ANAPC1: variants seen among roughly 807,000 people sequenced by gnomAD.
The protein encoded by ANAPC1 is anaphase-promoting complex subunit 1.
Under a neutral mutation model 208.0 loss-of-function variants are expected in ANAPC1, and 36 were observed. That is an observed-to-expected ratio of 0.17 (90% CI 0.13 to 0.23). ANAPC1 has a LOEUF of 0.23. Ranked by LOEUF, ANAPC1 falls within the 10% of genes least tolerant of loss-of-function variation. The pLI, the probability that ANAPC1 is intolerant of heterozygous loss-of-function variation, is 1.00. For missense variants in ANAPC1, 942 were observed against 2,011.6 expected (o/e 0.47, Z 10.17); for synonymous variants, 378 against 695.2 (o/e 0.54, Z 7.18).
chr2:111,835,963 T>C (rs997253711), intron 18 of ANAPC1, among the ~76,000 whole-genome samples: 3 of 152,116 alleles, frequency 2.0e-5, no homozygotes, highest in Admixed American at 2.0e-4. Context: ...AACTCATGTC[T>C]AGAACATGTA....
chr2:111,810,304 G>C (rs1209801191), intron 28 of ANAPC1, among the ~76,000 whole-genome samples: 3 of 144,410 alleles, frequency 2.1e-5, no homozygotes, highest in Admixed American at 1.4e-4. Flanking sequence ...AGTGAAGGTG[G>C]GGGGGGGTGA....
At chr2:111,850,512 C>T (rs1681333295) in intron 14 of ANAPC1, among the ~76,000 whole-genome samples, 3 of 151,256 alleles carry the variant, frequency 2.0e-5, no homozygotes, top group South Asian at 4.2e-4. Context: ...ATTCTAATTT[C>T]TTATGCAGAC....
rs1558670275 is a variant in ANAPC1, at chr2:111,794,071, GACTT to G, written c.4518+3_4518+6del. 1 of 1,374,670 alleles carries G rather than the reference GACTT, an allele frequency of 7.3e-7. No individual in the cohort carries two copies. Among genetic ancestry groups the G allele is most frequent in the Non-Finnish European group, 9.8e-7 (1 of 1,020,106 alleles). 85.2% of individuals were successfully genotyped at this position (1,374,670 alleles called of 1,614,324 possible). A position where few individuals can be genotyped will look rare whatever the true frequency, so the allele number is the denominator to read the frequency against. On this transcript the variant is annotated splice_donor_5th_base_variant and intron_variant, in intron 37 of 47. Transcript: ENST00000341068. ...TTATTCCCAAGGAGAATGATAAAAAGACTTACAACAGAAGCATTAGGTGCGGACA... is the reference window on the plus strand; with the variant it reads ...TTATTCCCAAGGAGAATGATAAAAAGACAACAGAAGCATTAGGTGCGGACA...
chr2:111,844,784 A>G (rs1225949442), intron 16 of ANAPC1, among the ~76,000 whole-genome samples: 7 of 152,208 alleles, frequency 4.6e-5, no homozygotes, highest in Admixed American at 2.6e-4. Context: ...TTCAGTTTCT[A>G]AAATGTTTCA....
At position 111,872,690 on chromosome 2, in the gene ANAPC1, T is replaced by C. The variant is rs1468225350; in HGVS notation, c.551A>G (p.Lys184Arg). ...GCTTCGTTCAAACAGCAATCCATAT[T>C]TAGTGGGCCAAACATTTGCAACCTT... ...PFQVANVWPT[K>R]YGLLFERSAS... Residue 184 changes from lysine to arginine, a missense_variant, in exon 6 of 48, where the codon AAA (lysine) becomes AGA (arginine). By Grantham distance (26) the Lys-to-Arg change is conservative (BLOSUM62 2). Coordinates refer to ENST00000341068, the MANE Select transcript of ANAPC1 (RefSeq NM_022662.4). 28 of 1,613,474 alleles carry C rather than the reference T, an allele frequency of 1.7e-5. No homozygotes were observed. The highest frequency in any genetic ancestry group is 5.9e-6 in the Non-Finnish European group (7 of 1,179,636).
intron 10 of ANAPC1, among the ~76,000 whole-genome samples, chr2:111,859,343 A>G (rs1681925462): frequency 6.6e-6 from 1 of 151,810 alleles, no homozygotes; most frequent in Admixed American, 6.6e-5. Context: ...TTAGCCAGTA[A>G]TCCTGTAATC....
chr2:111,850,557 G>C (rs999319685), intron 14 of ANAPC1, among the ~76,000 whole-genome samples: 2 of 150,568 alleles, frequency 1.3e-5, no homozygotes, highest in African/African-American at 4.9e-5. Flanking sequence ...GAGATCCCTA[G>C]ATGGAAAAGA....
intron 21 of ANAPC1, among the ~76,000 whole-genome samples, chr2:111,826,462 CT>C: frequency 6.6e-6 from 1 of 152,140 alleles, no homozygotes; most frequent in South Asian, 2.1e-4. Flanking sequence ...GATATGTAGT[CT>C]TTTTTGTGCT....
chr2:111,842,658 A>T (rs1680831136), intron 17 of ANAPC1, among the ~76,000 whole-genome samples: 1 of 151,958 alleles, frequency 6.6e-6, no homozygotes, highest in African/African-American at 2.4e-5. Context: ...AAAAAAAAAA[A>T]AAATGGATTT....
chr2:111,780,963 G>C lies in ANAPC1; in HGVS notation c.5203-578C>G, dbSNP rs1462882416. On this transcript the variant is annotated intron_variant, in intron 43 of 47. Transcript: ENST00000341068. ...TTATTGTTGCAGGTATAGATCTCAG[G>C]TCTGCAAGATGAAACAGTTCTAGAG... is the stretch of plus-strand genomic sequence containing the variant. 9.7e-5 allele frequency among the ~76,000 whole-genome samples: 14 copies of C among 144,768 alleles called. 1 individual carries two copies. The highest frequency in any genetic ancestry group is 1.9e-4 in the Non-Finnish European group (13 of 67,284). The allele number at this position is 144,768 out of a possible 152,430, so 95.0% of individuals were successfully genotyped here.
rs1679902934 is a variant in ANAPC1 at position 111,827,566 on chromosome 2, G to A, written c.2626-1711C>T. On this transcript the variant is annotated intron_variant, in intron 21 of 47. Transcript: ENST00000341068. Reference sequence around the variant, plus strand: ...GGTCAGGAGTTCAAGACCAGCCTGGGCAACATGGCAAAACCCCATCTCTAC... The same window carrying A: ...GGTCAGGAGTTCAAGACCAGCCTGGACAACATGGCAAAACCCCATCTCTAC... Among the ~76,000 whole-genome samples the A allele has an allele frequency of 2.0e-5, 3 of 151,916 alleles. 1 individual carries two copies. The South Asian group carries it at 6.2e-4, about 32-fold the overall frequency.
At chr2:111,844,207 C>G (rs762544659) in intron 16 of ANAPC1, among the ~76,000 whole-genome samples, 17 of 152,222 alleles carry the variant, frequency 1.1e-4, no homozygotes, top group Middle Eastern at 3.4e-3. Context: ...TGATTTACAT[C>G]CATTGCCCAG....
intron 17 of ANAPC1, among the ~76,000 whole-genome samples, chr2:111,842,903 A>G (rs1161666427): frequency 1.3e-5 from 2 of 152,186 alleles, no homozygotes; most frequent in African/African-American, 4.8e-5. Context: ...GTAAGGCTTT[A>G]TACCATTAAC....
chr2:111,832,956 A>AAAAAAAAAAAAAAAAAAAAAAAT (rs397748618), intron 20 of ANAPC1, among the ~76,000 whole-genome samples: 1 of 150,272 alleles, frequency 6.7e-6, no homozygotes, highest in Non-Finnish European at 1.5e-5. Flanking sequence ...AAAAAAAAAA[A>AAAAAAAAAAAAAAAAAAAAAAAT]GCATCCTTGA....
At chr2:111,868,685 C>T (rs6541932) in intron 6 of ANAPC1, among the ~76,000 whole-genome samples, 7,444 of 152,184 alleles carry the variant, frequency 0.049, 225 homozygotes, top group Non-Finnish European at 0.064. Flanking sequence ...CACACGCCAC[C>T]ACGCCCAGCT....
intron 21 of ANAPC1, among the ~76,000 whole-genome samples, chr2:111,828,153 A>T (rs1169508509): frequency 2.0e-5 from 3 of 152,244 alleles, no homozygotes; most frequent in Non-Finnish European, 4.4e-5. Flanking sequence ...GAAGATACGT[A>T]AATGGCCAAT....
chr2:111,797,000 C>T (rs141660957), intron 34 of ANAPC1, among the ~76,000 whole-genome samples: 28,163 of 150,626 alleles, frequency 0.19, 2,884 homozygotes, highest in Middle Eastern at 0.29. Context: ...AAACAAAAAA[C>T]GACCACTGTT....
At chr2:111,835,568 G>T (rs1182934928) in intron 18 of ANAPC1, among the ~76,000 whole-genome samples, 1 of 152,214 alleles carries the variant, frequency 6.6e-6, no homozygotes, top group African/African-American at 2.4e-5. Context: ...GCCGGGTGCA[G>T]TGGCTCATGC....
chr2:111,847,772 T>C lies in ANAPC1; in HGVS notation c.1744A>G (p.Thr582Ala), dbSNP rs768146615. ...NEDCTFQQLG[T>A]YIHSIRDPVH... ...GGATCTCTGATAGAATGAATGTAAGTTCCAAGCTGTTGGAAAGTACAATCC... is the reference window on the plus strand; with the variant it reads ...GGATCTCTGATAGAATGAATGTAAGCTCCAAGCTGTTGGAAAGTACAATCC... Residue 582 changes from threonine (T) to alanine (A), a missense_variant, in exon 15 of 48, where the codon ACT (threonine) becomes GCT (alanine). Transcript: ENST00000341068. The C allele has an allele frequency of 6.2e-7, 1 of 1,607,976 alleles. No homozygotes were observed. Among genetic ancestry groups the C allele is most frequent in the Middle Eastern group, 1.7e-4 (1 of 6,040 alleles).
Sources: gnomAD v4.1 joint callset for allele counts (sites outside exome capture counted in the v4.1 genomes callset) on GRCh38, gnomAD v4.1.1 for gene constraint, MANE v1.5 for transcripts, NCBI Gene and HGNC (gene_info 2026-07-23, HGNC 2026-07-21) for gene names.